Variants in KCNK2 observed in about 807,000 individuals in gnomAD.
The protein encoded by KCNK2 is potassium channel subfamily K member 2.
Under a neutral mutation model 40.5 loss-of-function variants are expected in KCNK2, and 21 were observed. That is an observed-to-expected ratio of 0.52 (90% CI 0.37 to 0.75). KCNK2 has a LOEUF of 0.75. Among genes scored for constraint, KCNK2 ranks in the 30% least tolerant of loss-of-function variants. KCNK2 has a pLI of 0.00. For synonymous variants in KCNK2, 191 were observed against 202.2 expected (o/e 0.94, Z 0.47); for missense variants, 399 against 531.6 (o/e 0.75, Z 2.45).
At chr1:215,150,250 C>T (rs1051992377) in intron 3 of KCNK2, among the ~76,000 whole-genome samples, 5 of 152,080 alleles carry the variant, frequency 3.3e-5, no homozygotes, top group African/African-American at 9.7e-5. Flanking sequence ...GCATTTGAAG[C>T]AAGGAAAGTA....
At chr1:215,204,037 CA>C (rs71167813) in intron 6 of KCNK2, among the ~76,000 whole-genome samples, 188 of 53,168 alleles carry the variant, frequency 3.5e-3, no homozygotes, top group African/African-American at 0.019. Flanking sequence ...GACTCCGTCT[CA>C]AAAAAAAAAA....
chr1:215,183,143 T>C (rs933968120), intron 5 of KCNK2, among the ~76,000 whole-genome samples: 2 of 152,182 alleles, frequency 1.3e-5, no homozygotes, highest in African/African-American at 2.4e-5. Flanking sequence ...CTTGCTATTT[T>C]CAAGTGACTG....
At chr1:215,021,397 T>C (rs1656780152) in intron 1 of KCNK2, among the ~76,000 whole-genome samples, 1 of 51,810 alleles carries the variant, frequency 1.9e-5, no homozygotes, top group Non-Finnish European at 6.9e-5. Context: ...GAGGTTGGCA[T>C]CTGAATCGGT....
intron 3 of KCNK2, among the ~76,000 whole-genome samples, chr1:215,144,626 G>T (rs1662332912): frequency 6.6e-6 from 1 of 150,604 alleles, no homozygotes; most frequent in Non-Finnish European, 1.5e-5. Flanking sequence ...CATTTTTTTT[G>T]GCCTCAGTTT....
intron 5 of KCNK2, among the ~76,000 whole-genome samples, chr1:215,176,532 A>C (rs993075116): frequency 1.3e-5 from 2 of 151,938 alleles, no homozygotes; most frequent in Non-Finnish European, 2.9e-5. Flanking sequence ...TTGTTCCCCC[A>C]ATGTGTCCAT....
At chr1:215,232,740 G>A (rs1052707391) in intron 6 of KCNK2, among the ~76,000 whole-genome samples, 8 of 152,148 alleles carry the variant, frequency 5.3e-5, no homozygotes, top group African/African-American at 1.9e-4. Flanking sequence ...CCAAAGTAAA[G>A]TGGTGGCGGG....
chr1:215,204,318 C>T (rs1241420953), intron 6 of KCNK2, among the ~76,000 whole-genome samples: 3 of 147,754 alleles, frequency 2.0e-5, no homozygotes, highest in Middle Eastern at 3.5e-3. Context: ...TAAATGGTAA[C>T]TTTTTTTTTT....
chr1:215,218,114 T>C (rs1230294424), intron 6 of KCNK2, among the ~76,000 whole-genome samples: 1 of 152,182 alleles, frequency 6.6e-6, no homozygotes, highest in Non-Finnish European at 1.5e-5. Flanking sequence ...AAGGCACTAA[T>C]GGACCAAATG....
upstream of KCNK2, among the ~76,000 whole-genome samples, chr1:215,080,016 A>G (rs1659090787): frequency 6.6e-6 from 1 of 152,110 alleles, no homozygotes. Context: ...CCCTACATGA[A>G]TGTGGGGCCT....
chr1:215,173,321 A>C (rs1029834851), intron 5 of KCNK2, among the ~76,000 whole-genome samples: 12 of 152,308 alleles, frequency 7.9e-5, no homozygotes, highest in African/African-American at 2.9e-4. Context: ...ATGGCTGCAT[A>C]GTATTCCATG....
At chr1:215,067,500 G>T (rs1465160162) in intron 1 of KCNK2, among the ~76,000 whole-genome samples, 1 of 152,094 alleles carries the variant, frequency 6.6e-6, no homozygotes, top group African/African-American at 2.4e-5. Context: ...ATATGTAATG[G>T]CTTCTAAATA....
chr1:215,222,793 C>T lies in KCNK2; in HGVS notation c.964-12035C>T, dbSNP rs55633341. 4.8e-3 allele frequency among the ~76,000 whole-genome samples: 721 copies of T among 150,938 alleles called. 3 individuals are homozygous for T. The highest frequency in any genetic ancestry group is 0.01 in the Middle Eastern group (3 of 292). ...GAATAATTGGAAATGTTCCTTTTAC[C>T]AGCACAGTTCAACAATACAATGAAA... is the stretch of plus-strand genomic sequence containing the variant. On this transcript the variant is annotated intron_variant, in intron 6 of 6. Transcript: ENST00000444842.
intron 6 of KCNK2, among the ~76,000 whole-genome samples, chr1:215,211,343 C>T (rs1463537697): frequency 6.6e-6 from 1 of 152,030 alleles, no homozygotes; most frequent in East Asian, 1.9e-4. Context: ...TTCCCAGGTA[C>T]CTACCTGGCT....
In KCNK2 at chr1:215,067,998, A is replaced by G. The variant is rs575059331; in HGVS notation, c.35-18370A>G. Among the ~76,000 whole-genome samples, 3 of 151,816 alleles carry G rather than the reference A, an allele frequency of 2.0e-5. No individual in the cohort carries two copies. In the East Asian group the frequency reaches 5.8e-4, roughly 29 times the overall value. On this transcript the variant is annotated intron_variant, in intron 1 of 6. Coordinates refer to the KCNK2 transcript ENST00000391895. ...TTCAATAAATGTTATGTACCTTAGCATATGTTTCTATATGGTCTTCTCCAA... is the reference window on the plus strand; with the variant it reads ...TTCAATAAATGTTATGTACCTTAGCGTATGTTTCTATATGGTCTTCTCCAA...
chr1:215,073,488 A>T, intron 1 of KCNK2, among the ~76,000 whole-genome samples: 1 of 152,092 alleles, frequency 6.6e-6, no homozygotes, highest in South Asian at 2.1e-4. Context: ...GTTTTTACTG[A>T]GGTCCGAAGG....
intron 1 of KCNK2, among the ~76,000 whole-genome samples, chr1:215,055,176 T>C (rs1658115884): frequency 6.6e-6 from 1 of 152,236 alleles, no homozygotes; most frequent in African/African-American, 2.4e-5. Flanking sequence ...ACCACCAGTA[T>C]ACCTGGGTAC....
chr1:215,007,061 G>T, intron 1 of KCNK2, among the ~76,000 whole-genome samples: 1 of 64,250 alleles, frequency 1.6e-5, no homozygotes, highest in Non-Finnish European at 3.2e-5. Context: ...ATATATATAT[G>T]TGTGTGTGTG....
chr1:215,137,976 C>T (rs1662003503), intron 3 of KCNK2, among the ~76,000 whole-genome samples: 1 of 152,068 alleles, frequency 6.6e-6, no homozygotes, highest in African/African-American at 2.4e-5. Flanking sequence ...CAAAGGGGTC[C>T]ATAAACCACA....
intron 2 of KCNK2, among the ~76,000 whole-genome samples, chr1:215,113,983 C>T (rs762001489): frequency 1.3e-4 from 20 of 152,126 alleles, no homozygotes; most frequent in Non-Finnish European, 2.6e-4. Context: ...TGCCCATAAC[C>T]TTTCCCCTTC....
Sources: allele counts gnomAD v4.1 joint callset (sites outside exome capture counted in the v4.1 genomes callset), GRCh38; gene constraint gnomAD v4.1.1; transcripts MANE v1.5; gene names NCBI Gene and HGNC (gene_info 2026-07-23, HGNC 2026-07-21).